ATXN7L1: variants seen among roughly 807,000 people sequenced by gnomAD.
ATXN7L1 encodes ataxin-7-like protein 1.
In ATXN7L1, 15 loss-of-function variants were observed where a neutral mutation model predicts 70.8. The ratio of observed to expected loss-of-function variants is 0.21; its 90% CI spans 0.14 to 0.33. The LOEUF (loss-of-function observed/expected upper bound fraction) is 0.33, where lower values mean the gene tolerates loss of function less well. ATXN7L1 is among the 10% of genes least tolerant of loss of function. The probability of loss-of-function intolerance (pLI) is 1.00; values close to 1 mark genes in which losing one functional copy is unlikely to be tolerated. For missense variants in ATXN7L1, 975 were observed against 1,097.1 expected, an observed-to-expected ratio of 0.89 and a Z score of 1.57; for synonymous variants, 440 against 445.1, an observed-to-expected ratio of 0.99 and a Z score of 0.14.
At chr7:105,757,244 T>C (rs541985246) in intron 3 of ATXN7L1, among the ~76,000 whole-genome samples, 3 of 152,052 alleles carry the variant, frequency 2.0e-5, no homozygotes, top group African/African-American at 7.2e-5. Flanking sequence ...TCTGCTCACA[T>C]TCACTAGAGA....
rs987009634 is a variant in ATXN7L1 at position 105,697,337 on chromosome 7, C to A, written c.356-32049G>T. Among the ~76,000 whole-genome samples, 5 of 152,160 alleles carry A rather than the reference C, an allele frequency of 3.3e-5. No homozygotes were observed. The East Asian group carries it at 5.8e-4, about 18-fold the overall frequency. ...CAGAGGGGCCAGTTCAGAGACCTAC[C>A]CCCCTAGGTGCACGTTCTCTTTCTC... On this transcript the variant is annotated intron_variant, in intron 3 of 11. Transcript: ENST00000419735.
At chr7:105,867,681 C>T (rs1817682332) in intron 2 of ATXN7L1, among the ~76,000 whole-genome samples, 1 of 152,234 alleles carries the variant, frequency 6.6e-6, no homozygotes, top group African/African-American at 2.4e-5. Context: ...ACAAGGCTGA[C>T]TTACATGGGC....
Position 105,798,306 on chromosome 7 carries a change from T to C in ATXN7L1, c.251-9598A>G, listed in dbSNP as rs576802660. Among the ~76,000 whole-genome samples, 117 of 152,262 alleles carry C rather than the reference T, an allele frequency of 7.7e-4. No homozygotes were observed. In the Middle Eastern group the frequency reaches 0.02, roughly 27 times the overall value. On this transcript the variant is annotated intron_variant, in intron 2 of 11. Coordinates refer to ENST00000419735, the MANE Select transcript of ATXN7L1 (RefSeq NM_020725.2). Reference sequence around the variant, plus strand: ...AGCCAGTGTTTGGGATGGGCTTGGGTGTTTTTTGGATGCTCTCTCTGGTCC... The same window carrying C: ...AGCCAGTGTTTGGGATGGGCTTGGGCGTTTTTTGGATGCTCTCTCTGGTCC...
chr7:105,806,680 A>C (rs1807667527), intron 2 of ATXN7L1, among the ~76,000 whole-genome samples: 1 of 152,090 alleles, frequency 6.6e-6, no homozygotes, highest in Non-Finnish European at 1.5e-5. Flanking sequence ...CCAATAAATA[A>C]CAAGAAGATG....
intron 2 of ATXN7L1, among the ~76,000 whole-genome samples, chr7:105,835,871 G>C (rs1333531231): frequency 6.6e-6 from 1 of 152,022 alleles, no homozygotes; most frequent in Non-Finnish European, 1.5e-5. Context: ...TGGGAAGTTT[G>C]GCTAGTGGCA....
At chr7:105,665,618 G>A (rs927012826) in intron 3 of ATXN7L1, among the ~76,000 whole-genome samples, 5 of 152,140 alleles carry the variant, frequency 3.3e-5, no homozygotes, top group African/African-American at 1.2e-4. Flanking sequence ...TGAACAGTGG[G>A]ACAACCACAC....
intron 4 of ATXN7L1, among the ~76,000 whole-genome samples, chr7:105,657,643 G>A (rs751047602): frequency 1.4e-5 from 2 of 139,012 alleles, no homozygotes; most frequent in Non-Finnish European, 3.0e-5. Flanking sequence ...GCTGCAGTAA[G>A]CTGAGATTGC....
intron 3 of ATXN7L1, among the ~76,000 whole-genome samples, chr7:105,734,643 T>G (rs1188742864): frequency 6.6e-6 from 1 of 152,066 alleles, no homozygotes; most frequent in East Asian, 1.9e-4. Context: ...CATGTTTTTT[T>G]TTTTTTTTAA....
intron 3 of ATXN7L1, among the ~76,000 whole-genome samples, chr7:105,737,180 C>T (rs1797474734): frequency 6.6e-6 from 1 of 152,206 alleles, no homozygotes; most frequent in Non-Finnish European, 1.5e-5. Flanking sequence ...TCTCCATTTC[C>T]TCTAGATTTT....
Position 105,614,019 on chromosome 7 carries a change from A to T in ATXN7L1, c.2315T>A (p.Phe772Tyr). 1 of 1,551,996 alleles carries T rather than the reference A, an allele frequency of 6.4e-7. No homozygotes were observed. The highest frequency in any genetic ancestry group is 2.4e-5 in the East Asian group (1 of 40,924). Residue 772 changes from phenylalanine to tyrosine, a missense_variant, in exon 10 of 12, where the codon TTT becomes TAT. Phe to Tyr is a conservative substitution (Grantham distance 22). Around this residue, in one of 5 missense-constraint regions of ATXN7L1, gnomAD observed 635 missense variants for 699.4 expected, o/e 0.91. Transcript: ENST00000419735. This position sits in a 1 kb window ranked among gnomAD's most constrained non-coding sequence, Gnocchi z 4.3. ...HNAVSSLPLSFDKSEGKKRKN... is the reference protein window; with the variant it reads ...HNAVSSLPLSYDKSEGKKRKN... ...ACGCTTTTTTCCTTCTGATTTGTCA[A>T]AAGAGAGGGGCAGAGAAGACACAGC...
chr7:105,775,586 T>C (rs961638562), intron 3 of ATXN7L1, among the ~76,000 whole-genome samples: 3 of 152,120 alleles, frequency 2.0e-5, no homozygotes, highest in African/African-American at 7.2e-5. Context: ...TGGGTTCTAG[T>C]GTCAGGGTGG....
At chr7:105,651,540 G>A (rs187997950) in intron 4 of ATXN7L1, among the ~76,000 whole-genome samples, 126 of 152,340 alleles carry the variant, frequency 8.3e-4, no homozygotes, top group African/African-American at 2.9e-3. Flanking sequence ...CACCAGCAGA[G>A]GGTGGGAGCA....
intron 4 of ATXN7L1, among the ~76,000 whole-genome samples, chr7:105,663,891 T>A (rs1802105172): frequency 6.6e-6 from 1 of 152,082 alleles, no homozygotes; most frequent in South Asian, 2.1e-4. Context: ...TGCCTCAGCC[T>A]CCCCAGTAGC....
intron 11 of ATXN7L1, among the ~76,000 whole-genome samples, 155 bp from the exon 12 acceptor site, chr7:105,608,045 T>A (rs2115690214): frequency 6.6e-6 from 1 of 152,290 alleles, no homozygotes; most frequent in Middle Eastern, 3.4e-3. Flanking sequence ...TAGCAAGAGA[T>A]GATGGATCTA....
intron 2 of ATXN7L1, among the ~76,000 whole-genome samples, chr7:105,823,888 CACTGTGT>C (rs1368863564): frequency 6.6e-6 from 1 of 152,098 alleles, no homozygotes; most frequent in Non-Finnish European, 1.5e-5. Flanking sequence ...GAGCTGAAGG[CACTGTGT>C]ACTTCAGATG....
chr7:105,662,377 C>A (rs965535733), intron 4 of ATXN7L1, among the ~76,000 whole-genome samples: 2 of 152,144 alleles, frequency 1.3e-5, no homozygotes, highest in African/African-American at 4.8e-5. Flanking sequence ...GCTGGGATTA[C>A]AGATGTGAGC....
intron 2 of ATXN7L1, among the ~76,000 whole-genome samples, chr7:105,804,929 A>T (rs1177821831): frequency 1.3e-5 from 2 of 152,152 alleles, no homozygotes; most frequent in East Asian, 3.9e-4. Context: ...CAGCTGGGAG[A>T]AAGGGAGACA....
intron 3 of ATXN7L1, among the ~76,000 whole-genome samples, chr7:105,779,319 A>C (rs1039456461): frequency 9.2e-5 from 14 of 152,226 alleles, no homozygotes; most frequent in African/African-American, 3.4e-4. Context: ...GTGCTCAGTA[A>C]GTGTTTTAGC....
chr7:105,830,780 T>G (rs999776292), intron 2 of ATXN7L1, among the ~76,000 whole-genome samples: 8 of 152,348 alleles, frequency 5.3e-5, no homozygotes, highest in Admixed American at 3.9e-4. Context: ...CCATGTCAGG[T>G]CCAGTGGCCT....
Sources: gnomAD v4.1 joint callset for allele counts (sites outside exome capture counted in the v4.1 genomes callset) on GRCh38, gnomAD v4.1.1 for gene constraint, gnomAD v4.1.1 regional missense constraint, Gnocchi (gnomAD v3.1) non-coding constraint, MANE v1.5 for transcripts, NCBI Gene and HGNC (gene_info 2026-07-23, HGNC 2026-07-21) for gene names.